The following RASA3 variants were observed in gnomAD, a reference collection of about 807,000 sequenced individuals.
The protein encoded by RASA3 is RAS p21 protein activator 3.
A neutral mutation model predicts 110.0 loss-of-function variants in RASA3; 73 were observed. That is an observed-to-expected ratio of 0.66 (90% confidence interval 0.55 to 0.81). The LOEUF is 0.81. RASA3 is among the 30% of genes least tolerant of loss of function. RASA3 has a pLI of 0.00. For synonymous variants in RASA3, 500 were observed against 451.4 expected, an observed-to-expected ratio of 1.11 and a Z score of -1.37; for missense variants, 976 against 1,113.2, an observed-to-expected ratio of 0.88 and a Z score of 1.75.
At chr13:114,070,653 G>A (rs1406231391) in intron 2 of RASA3, among the ~76,000 whole-genome samples, 1 of 147,836 alleles carries the variant, frequency 6.8e-6, no homozygotes, top group Admixed American at 6.7e-5. Flanking sequence ...CACGCTAAAC[G>A]GCTCCACAGT....
intron 23 of RASA3, among the ~76,000 whole-genome samples, chr13:113,979,633 T>C (rs956271862): frequency 6.6e-6 from 1 of 152,168 alleles, no homozygotes; most frequent in East Asian, 1.9e-4. Context: ...TGCAAGTACA[T>C]GTGCACGTGT....
intron 12 of RASA3, 95 bp from the exon 13 acceptor site, chr13:114,016,366 C>A (rs1453867123): frequency 5.3e-6 from 5 of 946,876 alleles, no homozygotes; most frequent in Non-Finnish European, 8.6e-6. Flanking sequence ...AGATGTAGAC[C>A]CTGAGCCTCA....
Position 114,065,930 on chromosome 13 carries a change from G to A in RASA3, c.173+7790C>T, listed in dbSNP as rs929968059. On this transcript the variant is annotated intron_variant, in intron 2 of 23. Coordinates refer to ENST00000334062, the MANE Select transcript of RASA3 (RefSeq NM_007368.4). The surrounding 1 kb of genome is among the most constrained non-coding windows in gnomAD (Gnocchi z 4.1). ...CAAAGACTCAGTGAGGAAAGCAGGC[G>A]GGCTGGGCTGAGACTCACAGCTGCA... Among the ~76,000 whole-genome samples the A allele has an allele frequency of 3.3e-5, 5 of 152,186 alleles. No individual in the cohort carries two copies. The highest frequency in any genetic ancestry group is 1.9e-4 in the East Asian group (1 of 5,192).
Position 114,132,460 on chromosome 13 carries a change from G to T in RASA3, c.30C>A (p.Val10=). The T allele has an allele frequency of 6.6e-7, 1 of 1,521,856 alleles. No homozygotes were observed. The highest frequency in any genetic ancestry group is 1.2e-5 in the South Asian group (1 of 81,906). The allele number at this position is 1,521,856 out of a possible 1,614,324, so 94.3% of individuals were successfully genotyped here. Residue 10 remains valine, a synonymous_variant, in exon 1 of 24, where the codon GTC becomes GTA. Transcript: ENST00000334062. ...CGATCTTGATCTTCACGCTCTGGAA[G>T]ACCCGGAGCCCCTCGTCCTCCACCG... The part of the protein sequence containing the change: MAVEDEGLR[V]FQSVKIKIGE...
At chr13:114,126,992 G>A (rs2139802915) in intron 1 of RASA3, among the ~76,000 whole-genome samples, 1 of 152,182 alleles carries the variant, frequency 6.6e-6, no homozygotes, top group East Asian at 1.9e-4. Context: ...CCATCGCTCA[G>A]CAGCCTTCAC....
intron 22 of RASA3, among the ~76,000 whole-genome samples, chr13:113,990,353 C>G (rs2053078880): frequency 6.6e-6 from 1 of 152,178 alleles, no homozygotes; most frequent in Admixed American, 6.5e-5. Flanking sequence ...AGAGGAAGAG[C>G]TGGAGCTGTG....
intron 1 of RASA3, among the ~76,000 whole-genome samples, chr13:114,122,113 G>A (rs575666936): frequency 3.3e-5 from 5 of 152,342 alleles, no homozygotes; most frequent in East Asian, 1.9e-4. Flanking sequence ...GAGGCCAGGC[G>A]TCCCTTCCAG....
At chr13:114,105,032 A>C (rs1482497253) in intron 1 of RASA3, among the ~76,000 whole-genome samples, 1 of 149,468 alleles carries the variant, frequency 6.7e-6, no homozygotes, top group African/African-American at 2.5e-5. Context: ...GGCCATAAAC[A>C]CCCTTTGGCC....
In RASA3 at chr13:114,118,748, T is replaced by C. The variant is rs568475825; in HGVS notation, c.55+13687A>G. 3.3e-5 allele frequency among the ~76,000 whole-genome samples: 5 copies of C among 152,384 alleles called. No homozygotes were observed. In the East Asian group the frequency reaches 9.6e-4, roughly 29 times the overall value. ...CCATCCACAAATCTATGATGAATTA[T>C]TAACCAGACCAGGCTAGCCCACTGC... On this transcript the variant is annotated intron_variant, in intron 1 of 23. Coordinates refer to ENST00000334062, the MANE Select transcript of RASA3 (RefSeq NM_007368.4).
In RASA3 at chr13:114,015,226, G is replaced by A. The variant is rs756286888; in HGVS notation, c.1388C>T (p.Ala463Val). 6.0e-5 allele frequency: 96 copies of A among 1,613,024 alleles called. No individual in the cohort carries two copies. The highest frequency in any genetic ancestry group is 7.7e-5 in the Non-Finnish European group (91 of 1,179,974). ...GCACTCACCCTGGAAGCGCTTGGCC[G>A]CCGCCTCCCGGAGGGAGAAGAAGAT... is the stretch of plus-strand genomic sequence containing the variant. ...CDIFFSLREA[A>V]AKRFQDDPDV... Residue 463 changes from alanine (A) to valine (V), a missense_variant, in exon 14 of 24, where the codon GCG (alanine) becomes GTG (valine). Physicochemically the swap from Ala to Val is moderately conservative, Grantham distance 64. Around this residue, in one of 4 missense-constraint regions of RASA3, gnomAD observed 732 missense variants for 779.7 expected, o/e 0.94. Transcript: ENST00000334062.
At chr13:114,019,070 C>G in intron 9 of RASA3, 151 bp from the exon 10 acceptor site, 4 of 1,008,534 alleles carry the variant, frequency 4.0e-6, no homozygotes, top group Non-Finnish European at 5.7e-6. Flanking sequence ...GACTCCCCAC[C>G]GAAGACCCCC....
chr13:113,997,298 A>G (rs1285462023), intron 20 of RASA3, among the ~76,000 whole-genome samples: 1 of 152,158 alleles, frequency 6.6e-6, no homozygotes, highest in Non-Finnish European at 1.5e-5. Flanking sequence ...CATTCAACAA[A>G]CATGACTGAG....
In RASA3 at chr13:114,108,010, G is replaced by A. The variant is rs149808673; in HGVS notation, c.55+24425C>T. ...GGGGTGGCCCTGCCATCCCCTAGGG[G>A]CTCTGCGGGATCCCCTGAACACTAC... On this transcript the variant is annotated intron_variant, in intron 1 of 23. Coordinates refer to ENST00000334062, the MANE Select transcript of RASA3 (RefSeq NM_007368.4). 7.9e-3 allele frequency among the ~76,000 whole-genome samples: 1,207 copies of A among 152,108 alleles called. 21 individuals are homozygous for A. The highest frequency in any genetic ancestry group is 0.028 in the African/African-American group (1,165 of 41,470).
intron 1 of RASA3, among the ~76,000 whole-genome samples, chr13:114,078,208 C>T (rs1016308653): frequency 2.0e-5 from 3 of 152,206 alleles, no homozygotes; most frequent in East Asian, 1.9e-4. Flanking sequence ...CTGAGCGGGA[C>T]GGGGGCTGCC....
intron 1 of RASA3, among the ~76,000 whole-genome samples, chr13:114,123,342 A>G (rs1285336424): frequency 2.6e-5 from 4 of 152,232 alleles, no homozygotes; most frequent in Admixed American, 2.6e-4. Context: ...TCCAGAGCTG[A>G]AAAGAAGAGT....
chr13:113,993,819 A>AG, intron 21 of RASA3, among the ~76,000 whole-genome samples: 1 of 147,836 alleles, frequency 6.8e-6, no homozygotes, highest in Non-Finnish European at 1.5e-5. Flanking sequence ...AAAAAAAAAA[A>AG]AAAAAAAAAA....
At chr13:114,118,636 G>A (rs1329686523) in intron 1 of RASA3, among the ~76,000 whole-genome samples, 6 of 152,190 alleles carry the variant, frequency 3.9e-5, no homozygotes, top group Non-Finnish European at 8.8e-5. Context: ...CGATGTCACC[G>A]CCACTTTTAA....
chr13:114,027,490 T>C (rs373383707), intron 6 of RASA3, 29 bp from the exon 7 acceptor site: 21 of 1,549,148 alleles, frequency 1.4e-5, no homozygotes, highest in Non-Finnish European at 1.9e-5. Flanking sequence ...GGATTGGGAT[T>C]AAAACAACAC....
At chr13:114,119,057 C>A (rs906879655) in intron 1 of RASA3, among the ~76,000 whole-genome samples, 1 of 151,006 alleles carries the variant, frequency 6.6e-6, no homozygotes. Flanking sequence ...CTCCACCCCC[C>A]GCTTTCCTCC....
Sources: allele counts gnomAD v4.1 joint callset (sites outside exome capture counted in the v4.1 genomes callset), GRCh38; gene constraint gnomAD v4.1.1; regional missense constraint gnomAD v4.1.1; non-coding constraint Gnocchi (gnomAD v3.1); transcripts MANE v1.5; gene names NCBI Gene and HGNC (gene_info 2026-07-23, HGNC 2026-07-21).